Variants in HYCC2 observed in about 807,000 individuals in gnomAD.
The protein encoded by HYCC2 is hyccin PI4KA lipid kinase complex subunit 2, also known as hyccin 2.
At chr2:200,996,990 A>T in the HYCC2 span, 1 of 152,654 alleles carries the variant, frequency 6.6e-6, no homozygotes, top group African/African-American at 2.4e-5. Context: ...GAGGCCAGGC[A>T]TGGTGGCTCA....
At chr2:201,041,918 A>G in the HYCC2 span, among the ~76,000 whole-genome samples, 3 of 152,262 alleles carry the variant, frequency 2.0e-5, no homozygotes, top group East Asian at 5.8e-4. Flanking sequence ...TAGTACCTTC[A>G]TTTGAAAAAT....
chr2:200,989,149 G>A, the HYCC2 span, among the ~76,000 whole-genome samples: 1 of 152,098 alleles, frequency 6.6e-6, no homozygotes, highest in East Asian at 1.9e-4. Flanking sequence ...TGTTTATCAC[G>A]TGGCTCTAGA....
the HYCC2 span, among the ~76,000 whole-genome samples, chr2:200,994,554 C>T: frequency 6.6e-6 from 1 of 152,176 alleles, no homozygotes; most frequent in African/African-American, 2.4e-5. Context: ...TATATCATTT[C>T]TACCTATTTA....
At chr2:200,986,754 G>A in the HYCC2 span, among the ~76,000 whole-genome samples, 123 of 152,236 alleles carry the variant, frequency 8.1e-4, no homozygotes, top group Non-Finnish European at 1.6e-3. Context: ...CACATTTCTA[G>A]AAGGTATCAG....
the HYCC2 span, among the ~76,000 whole-genome samples, chr2:201,033,198 A>T: frequency 0.011 from 1,074 of 97,178 alleles, 9 homozygotes; most frequent in Admixed American, 0.024. Flanking sequence ...TGTGTGTGTG[A>T]GAGAGAGAGA....
the HYCC2 span, among the ~76,000 whole-genome samples, chr2:201,043,292 G>A: frequency 2.8e-4 from 42 of 151,836 alleles, no homozygotes; most frequent in Admixed American, 2.6e-3. Context: ...CAAACACTGC[G>A]GAAGGTGGCA....
the HYCC2 span, among the ~76,000 whole-genome samples, chr2:200,998,828 T>C: frequency 3.3e-5 from 5 of 152,184 alleles, no homozygotes; most frequent in African/African-American, 1.2e-4. Flanking sequence ...TGGAAACTCT[T>C]TGTACTATTT....
chr2:201,069,215 T>G, the HYCC2 span, among the ~76,000 whole-genome samples: 1 of 152,186 alleles, frequency 6.6e-6, no homozygotes, highest in African/African-American at 2.4e-5. Context: ...AAATCTGAAT[T>G]GCATGTCAAG....
At chr2:201,001,441 G>A in the HYCC2 span, among the ~76,000 whole-genome samples, 1 of 152,152 alleles carries the variant, frequency 6.6e-6, no homozygotes, top group East Asian at 1.9e-4. Context: ...TAACTCGAAT[G>A]TCCATCCACT....
chr2:201,029,552 A>G, the HYCC2 span, among the ~76,000 whole-genome samples: 5 of 152,294 alleles, frequency 3.3e-5, no homozygotes, highest in African/African-American at 1.2e-4. Flanking sequence ...ATGATAGACT[A>G]GATTAAGAAA....
the HYCC2 span, among the ~76,000 whole-genome samples, chr2:201,036,070 G>A: frequency 1.2e-4 from 19 of 152,142 alleles, no homozygotes; most frequent in East Asian, 7.7e-4. Context: ...TATCACCACC[G>A]ATCCCACAGA....
the HYCC2 span, chr2:201,063,129 G>A: frequency 1.6e-5 from 25 of 1,610,258 alleles, no homozygotes; most frequent in East Asian, 2.2e-5. Context: ...GAACAGCTGA[G>A]GAAGCTCTTC....
chr2:201,039,608 T>C, the HYCC2 span, among the ~76,000 whole-genome samples: 2 of 152,204 alleles, frequency 1.3e-5, no homozygotes, highest in African/African-American at 4.8e-5. Context: ...GAGATAATTG[T>C]TCATTTCAAA....
chr2:201,003,687 C>A, the HYCC2 span, among the ~76,000 whole-genome samples: 1 of 142,420 alleles, frequency 7.0e-6, no homozygotes, highest in East Asian at 2.1e-4. Flanking sequence ...CCAGCCTGGG[C>A]GACAGAGCGA....
the HYCC2 span, chr2:200,981,073 T>A: frequency 7.7e-6 from 5 of 649,460 alleles, no homozygotes; most frequent in Admixed American, 1.5e-4. This position sits in a 1 kb window ranked among gnomAD's most constrained non-coding sequence, Gnocchi z 4.5. Flanking sequence ...AAGGGATAGG[T>A]GAAGAGAAGA....
the HYCC2 span, among the ~76,000 whole-genome samples, chr2:201,027,124 A>C: frequency 3.9e-5 from 6 of 152,208 alleles, no homozygotes; most frequent in Admixed American, 6.6e-5. Context: ...AAAAATGATA[A>C]GGGGGATATC....
chr2:201,018,790 C>T, the HYCC2 span, among the ~76,000 whole-genome samples: 3 of 152,248 alleles, frequency 2.0e-5, no homozygotes, highest in South Asian at 6.2e-4. Flanking sequence ...ATGACAGCAT[C>T]ACTGCACTCC....
the HYCC2 span, chr2:200,981,211 T>C: frequency 1.3e-6 from 2 of 1,562,324 alleles, no homozygotes; most frequent in Admixed American, 1.8e-5. The surrounding 1 kb of genome is among the most constrained non-coding windows in gnomAD (Gnocchi z 4.5). Flanking sequence ...AAGTGTCTTC[T>C]TGCACAATGA....
the HYCC2 span, among the ~76,000 whole-genome samples, chr2:200,990,577 T>C: frequency 6.6e-6 from 1 of 151,102 alleles, no homozygotes; most frequent in Non-Finnish European, 1.5e-5. Context: ...AAATTTTTTT[T>C]TCTTTTTTTT....
Sources: gnomAD v4.1 joint callset for allele counts (sites outside exome capture counted in the v4.1 genomes callset) on GRCh38, gnomAD v4.1.1 for gene constraint, Gnocchi (gnomAD v3.1) non-coding constraint, MANE v1.5 for transcripts, NCBI Gene and HGNC (gene_info 2026-07-23, HGNC 2026-07-21) for gene names.